Variants in CCSER1 observed in about 807,000 individuals in gnomAD.
The protein encoded by CCSER1 is coiled-coil serine rich protein 1, also known as serine-rich coiled-coil domain-containing protein 1.
CCSER1 carries 41 observed loss-of-function variants against 82.0 expected under a neutral mutation model. That is an observed-to-expected ratio of 0.50 (90% confidence interval 0.39 to 0.65). CCSER1 has a LOEUF of 0.65. Among genes scored for constraint, CCSER1 ranks in the 30% least tolerant of loss-of-function variants. The probability of loss-of-function intolerance (pLI) is 0.00; values close to 1 mark genes in which losing one functional copy is unlikely to be tolerated. For missense variants in CCSER1, 1,119 were observed against 1,064.2 expected, an observed-to-expected ratio of 1.05 and a Z score of -0.72; for synonymous variants, 414 against 383.9, an observed-to-expected ratio of 1.08 and a Z score of -0.92.
intron 8 of CCSER1, among the ~76,000 whole-genome samples, chr4:90,818,494 C>A (rs1218148144): frequency 6.6e-6 from 1 of 152,222 alleles, no homozygotes; most frequent in South Asian, 2.1e-4. Flanking sequence ...GCTAGCTGGT[C>A]TTGAACTCCT....
intron 1 of CCSER1, among the ~76,000 whole-genome samples, chr4:90,227,741 G>A (rs1743473751): frequency 6.6e-6 from 1 of 152,230 alleles, no homozygotes; most frequent in African/African-American, 2.4e-5. Context: ...GTGCCAGACA[G>A]TGGGCGCAAG....
intron 10 of CCSER1, among the ~76,000 whole-genome samples, chr4:91,352,262 G>C (rs1748520076): frequency 6.6e-6 from 1 of 152,048 alleles, no homozygotes; most frequent in Non-Finnish European, 1.5e-5. Flanking sequence ...GTTTAGTTTA[G>C]TTTTTTGAAA....
At chr4:90,386,631 AAAAT>A (rs1324949044) in intron 3 of CCSER1, among the ~76,000 whole-genome samples, 1 of 152,234 alleles carries the variant, frequency 6.6e-6, no homozygotes, top group African/African-American at 2.4e-5. Context: ...AAAGCAAATA[AAAAT>A]AAATAAGTAG....
At chr4:90,293,133 T>G (rs923723574) in intron 1 of CCSER1, among the ~76,000 whole-genome samples, 8 of 151,898 alleles carry the variant, frequency 5.3e-5, no homozygotes, top group African/African-American at 1.9e-4. Context: ...ATACATCTTT[T>G]ACACTAATAT....
rs1476170269 is a variant in CCSER1, at chr4:91,072,643, T to A, written c.2173-13307T>A. ...GTATTAGTTACTTTTGGAGGTAGTA[T>A]GTGTAATAGTTCCAAAAGTAGCTCT... On this transcript the variant is annotated intron_variant, in intron 9 of 10. Coordinates refer to ENST00000509176, the MANE Select transcript of CCSER1 (RefSeq NM_001145065.2). Among the ~76,000 whole-genome samples the A allele has an allele frequency of 4.6e-5, 7 of 152,092 alleles. No individual in the cohort carries two copies. The East Asian group carries it at 1.3e-3, about 29-fold the overall frequency.
At chr4:91,154,483 G>T (rs1730596398) in intron 10 of CCSER1, among the ~76,000 whole-genome samples, 1 of 148,436 alleles carries the variant, frequency 6.7e-6, no homozygotes, top group African/African-American at 2.5e-5. Context: ...CCAATGCGTT[G>T]CCCTGCTCCT....
intron 6 of CCSER1, among the ~76,000 whole-genome samples, chr4:90,691,480 T>C (rs1344049930): frequency 1.3e-5 from 2 of 151,970 alleles, no homozygotes; most frequent in Admixed American, 1.3e-4. Context: ...ACATGTATTA[T>C]ATATCACATG....
At chr4:91,360,693 G>T (rs888834701) in intron 10 of CCSER1, among the ~76,000 whole-genome samples, 1 of 151,680 alleles carries the variant, frequency 6.6e-6, no homozygotes, top group Non-Finnish European at 1.5e-5. Flanking sequence ...AAGGTTTATG[G>T]CACAAGCCTA....
intron 10 of CCSER1, among the ~76,000 whole-genome samples, chr4:91,418,052 C>CT (rs1351627044): frequency 6.6e-6 from 1 of 151,874 alleles, no homozygotes; most frequent in African/African-American, 2.4e-5. Flanking sequence ...TGAAACATAA[C>CT]TTACCAGAAT....
At chr4:90,326,970 A>G (rs1419851097) in intron 3 of CCSER1, among the ~76,000 whole-genome samples, 2 of 152,190 alleles carry the variant, frequency 1.3e-5, no homozygotes, top group African/African-American at 2.4e-5. Flanking sequence ...TTTAGATTCC[A>G]TCTTCATTTT....
At chr4:90,549,819 C>T (rs1443695845) in intron 5 of CCSER1, among the ~76,000 whole-genome samples, 1 of 151,184 alleles carries the variant, frequency 6.6e-6, no homozygotes, top group African/African-American at 2.4e-5. Flanking sequence ...CTATAGGAGA[C>T]CACAGAGACT....
chr4:90,669,916 T>C (rs944185934), intron 6 of CCSER1, among the ~76,000 whole-genome samples: 1 of 152,142 alleles, frequency 6.6e-6, no homozygotes, highest in Non-Finnish European at 1.5e-5. Flanking sequence ...ATGGCTTTTT[T>C]GAAGGATATT....
intron 5 of CCSER1, among the ~76,000 whole-genome samples, chr4:90,479,444 A>ATG (rs1033810313): frequency 7.2e-5 from 11 of 152,092 alleles, no homozygotes; most frequent in African/African-American, 1.7e-4. Context: ...TTTGTTACAT[A>ATG]TATACATGTG....
intron 5 of CCSER1, among the ~76,000 whole-genome samples, chr4:90,563,180 C>T (rs911404395): frequency 2.0e-5 from 3 of 151,916 alleles, no homozygotes; most frequent in Admixed American, 6.6e-5. Flanking sequence ...GGCACGATAT[C>T]GGCTCACTGC....
intron 10 of CCSER1, among the ~76,000 whole-genome samples, chr4:91,254,215 C>G (rs1387134455): frequency 2.0e-5 from 3 of 152,134 alleles, no homozygotes; most frequent in Non-Finnish European, 4.4e-5. Flanking sequence ...ATAGATCTAA[C>G]AGACGTATAC....
At chr4:90,276,668 C>T (rs767277297) in intron 1 of CCSER1, among the ~76,000 whole-genome samples, 25 of 151,920 alleles carry the variant, frequency 1.6e-4, no homozygotes, top group Non-Finnish European at 3.5e-4. Flanking sequence ...ATGCATAATG[C>T]ACTGAAGAGT....
Position 90,448,899 on chromosome 4 carries a change from C to T in CCSER1, c.1604-19335C>T, listed in dbSNP as rs904660685. 1.6e-4 allele frequency among the ~76,000 whole-genome samples: 25 copies of T among 152,174 alleles called. No individual in the cohort carries two copies. The South Asian group carries it at 3.9e-3, about 24-fold the overall frequency. The stretch of plus-strand genomic sequence containing the variant: ...TTTGGTCCCTCCATTAGGCAGGTCC[C>T]GAGTTCTTGTCCTGCATCCAGGAAG... On this transcript the variant is annotated intron_variant, in intron 4 of 10. Transcript: ENST00000509176.
At chr4:91,079,934 A>G (rs560076394) in intron 9 of CCSER1, among the ~76,000 whole-genome samples, 2 of 152,224 alleles carry the variant, frequency 1.3e-5, no homozygotes, top group African/African-American at 4.8e-5. Flanking sequence ...TGAGAGACCT[A>G]AAAAGGGACT....
chr4:91,504,175 T>G (rs1458872597), intron 10 of CCSER1, among the ~76,000 whole-genome samples: 1 of 152,168 alleles, frequency 6.6e-6, no homozygotes, highest in Non-Finnish European at 1.5e-5. Flanking sequence ...TATGGCAGAT[T>G]ACTATTAAAC....
Sources: gnomAD v4.1 joint callset for allele counts (sites outside exome capture counted in the v4.1 genomes callset) on GRCh38, gnomAD v4.1.1 for gene constraint, MANE v1.5 for transcripts, NCBI Gene and HGNC (gene_info 2026-07-23, HGNC 2026-07-21) for gene names.